The following SLC35E3 variants were observed in gnomAD, a reference collection of about 807,000 sequenced individuals.
The protein encoded by SLC35E3 is bladder cancer-overexpressed gene 1 protein.
A neutral mutation model predicts 30.8 loss-of-function variants in SLC35E3; 28 were observed. The ratio of observed to expected loss-of-function variants is 0.91; its 90% CI spans 0.67 to 1.25. The LOEUF (loss-of-function observed/expected upper bound fraction) is 1.25, where lower values mean the gene tolerates loss of function less well. SLC35E3 is among the 50% of genes most tolerant of loss of function. The pLI, the probability that SLC35E3 is intolerant of heterozygous loss-of-function variation, is 0.00. For missense variants in SLC35E3, 365 were observed against 375.4 expected, an observed-to-expected ratio of 0.97 and a Z score of 0.23; for synonymous variants, 146 against 149.2, an observed-to-expected ratio of 0.98 and a Z score of 0.16.
chr12:68,746,467 C>T lies in SLC35E3; in HGVS notation c.90C>T (p.Phe30=), dbSNP rs567135901. 6.2e-7 allele frequency: 1 copy of T among 1,614,194 alleles called. No individual in the cohort carries two copies. Among genetic ancestry groups the T allele is most frequent in the Admixed American group, 1.7e-5 (1 of 60,018 alleles). Residue 30 remains phenylalanine, a synonymous_variant, in exon 1 of 5, where the codon TTC becomes TTT. Transcript: ENST00000398004. ...TGCTGGTGTCCATCTGCATTGTGTT[C>T]CTCAACAAATGGATTTATGTGTACC... The part of the protein sequence containing the change: ...FNLLVSICIV[F]LNKWIYVYHG...
chr12:68,751,931 C>G (rs1878810635), intron 2 of SLC35E3, 101 bp from the exon 3 acceptor site: 1 of 1,162,458 alleles, frequency 8.6e-7, no homozygotes, highest in South Asian at 1.6e-5. Flanking sequence ...TTCCCCTAGT[C>G]TATACCCCAC....
At chr12:68,753,028 C>T (rs1353418604) in intron 3 of SLC35E3, among the ~76,000 whole-genome samples, 1 of 151,552 alleles carries the variant, frequency 6.6e-6, no homozygotes, top group Non-Finnish European at 1.5e-5. Context: ...CACCTATAAT[C>T]CCAGCTACTC....
intron 3 of SLC35E3, among the ~76,000 whole-genome samples, chr12:68,757,446 T>C (rs889757943): frequency 6.6e-6 from 1 of 152,212 alleles, no homozygotes; most frequent in Non-Finnish European, 1.5e-5. Context: ...CTATAACTTT[T>C]TGGATAAAAT....
intron 4 of SLC35E3, among the ~76,000 whole-genome samples, chr12:68,764,017 T>C (rs1253182847): frequency 2.6e-5 from 4 of 152,188 alleles, no homozygotes; most frequent in African/African-American, 9.7e-5. Context: ...TAGTTGGTGC[T>C]CAGTATTACT....
Position 68,768,182 on chromosome 12 carries a change from G to A in SLC35E3, c.*3292G>A, listed in dbSNP as rs1459048076. 3.3e-5 allele frequency: 5 copies of A among 152,130 alleles called. No individual in the cohort carries two copies. The highest frequency in any genetic ancestry group is 1.3e-4 in the Admixed American group (2 of 15,250). 9.4% of individuals were successfully genotyped at this position (152,130 alleles called of 1,614,324 possible). On this transcript the variant is annotated 3_prime_UTR_variant, in exon 5 of 5. Transcript: ENST00000398004. ...CGGGCGCCTGTAATTCCAGCTACTCGGGAGGCTGAGACAGGAGAATCACTT... is the reference window on the plus strand; with the variant it reads ...CGGGCGCCTGTAATTCCAGCTACTCAGGAGGCTGAGACAGGAGAATCACTT...
chr12:68,754,166 G>C (rs1370803650), intron 3 of SLC35E3, among the ~76,000 whole-genome samples: 4 of 151,892 alleles, frequency 2.6e-5, no homozygotes, highest in African/African-American at 4.8e-5. Flanking sequence ...TTTGACAAAA[G>C]TGGAATCCTA....
chr12:68,757,394 A>G (rs1879061113), intron 3 of SLC35E3, among the ~76,000 whole-genome samples: 1 of 152,222 alleles, frequency 6.6e-6, no homozygotes, highest in South Asian at 2.1e-4. Context: ...AATAGTTTAT[A>G]TCATGAATAT....
intron 3 of SLC35E3, 28 bp downstream of exon 3, chr12:68,752,218 G>C: frequency 6.4e-7 from 1 of 1,569,312 alleles, no homozygotes. Flanking sequence ...TGATATCTAA[G>C]AAACAGTATA....
At chr12:68,751,281 T>TC in intron 2 of SLC35E3, among the ~76,000 whole-genome samples, 1 of 147,292 alleles carries the variant, frequency 6.8e-6, no homozygotes, top group Non-Finnish European at 1.5e-5. Flanking sequence ...TGTCATCGTG[T>TC]CCCCCCAACC....
At chr12:68,753,512 C>G (rs963058101) in intron 3 of SLC35E3, among the ~76,000 whole-genome samples, 1 of 151,948 alleles carries the variant, frequency 6.6e-6, no homozygotes, top group Admixed American at 6.6e-5. Context: ...CTCTGGAACC[C>G]TATCACACTA....
chr12:68,752,476 C>T (rs1878840910), intron 3 of SLC35E3, among the ~76,000 whole-genome samples: 2 of 152,120 alleles, frequency 1.3e-5, no homozygotes, highest in South Asian at 2.1e-4. Flanking sequence ...CAAGCTAGAG[C>T]CCACAAATAA....
At chr12:68,757,766 T>G (rs1291712316) in intron 3 of SLC35E3, among the ~76,000 whole-genome samples, 1 of 152,174 alleles carries the variant, frequency 6.6e-6, no homozygotes, top group Non-Finnish European at 1.5e-5. Flanking sequence ...TTTGTAGATA[T>G]CCAATGAATG....
intron 3 of SLC35E3, among the ~76,000 whole-genome samples, chr12:68,758,419 C>G (rs573864390): frequency 5.7e-4 from 81 of 142,016 alleles, no homozygotes; most frequent in African/African-American, 2.0e-3. Flanking sequence ...AACTCCGTCT[C>G]AAAAAAAAAA....
At position 68,772,272 on chromosome 12, in the gene SLC35E3, A is replaced by AG. The variant is rs1460857800; in HGVS notation, c.*7384dup. On this transcript the variant is annotated 3_prime_UTR_variant, in exon 5 of 5. Transcript: ENST00000398004. The stretch of plus-strand genomic sequence containing the variant: ...AGGCTGGTCTTGAACTCCTGACCTC[A>AG]GGTACTCCGCCCACCTCAGCCTCCC... 1.3e-5 allele frequency: 2 copies of AG among 152,098 alleles called. No homozygotes were observed. The highest frequency in any genetic ancestry group is 4.8e-5 in the African/African-American group (2 of 41,424). The allele number at this position is 152,098 out of a possible 1,614,324, so 9.4% of individuals were successfully genotyped here.
intron 1 of SLC35E3, 141 bp downstream of exon 1, chr12:68,746,920 C>G: frequency 2.1e-6 from 2 of 959,534 alleles, no homozygotes; most frequent in Non-Finnish European, 3.0e-6. Context: ...AACTTTTAGG[C>G]TTATTTTAGG....
Position 68,752,172 on chromosome 12 carries a change from C to G in SLC35E3, c.654C>G (p.Pro218=), listed in dbSNP as rs775151847. The G allele has an allele frequency of 1.2e-6, 2 of 1,611,526 alleles. No homozygotes were observed. Among genetic ancestry groups the G allele is most frequent in the Admixed American group, 1.7e-5 (1 of 59,144 alleles). ...TTGGAGAAGGAGGAATATTTGGTCC[C>G]TGGTCAGTTTCTGCTTTGGTAAGTT... is the stretch of plus-strand genomic sequence containing the variant. ...PVFGEGGIFG[P]WSVSALLMVL... Residue 218 remains proline (P), a synonymous_variant, in exon 3 of 5, where the codon CCC becomes CCG. Transcript: ENST00000398004.
At chr12:68,757,462 G>A (rs1465831528) in intron 3 of SLC35E3, among the ~76,000 whole-genome samples, 11 of 152,248 alleles carry the variant, frequency 7.2e-5, no homozygotes, top group African/African-American at 2.6e-4. Context: ...AAAATTATGG[G>A]ATAGATTTGA....
chr12:68,764,947 T>C lies in SLC35E3; in HGVS notation c.*57T>C. 8.4e-6 allele frequency: 13 copies of C among 1,545,746 alleles called. No homozygotes were observed. Among genetic ancestry groups the C allele is most frequent in the South Asian group, 1.2e-5 (1 of 82,718 alleles). ...CAAGAAGATAAAAAATATTGTTAAG[T>C]GTGCAAGTTATTAAAAAAAAAAAAT... is the stretch of plus-strand genomic sequence containing the variant. On this transcript the variant is annotated 3_prime_UTR_variant, in exon 5 of 5. Coordinates refer to ENST00000398004, the MANE Select transcript of SLC35E3 (RefSeq NM_018656.5).
Position 68,748,148 on chromosome 12 carries a change from A to G in SLC35E3, c.513+108A>G, listed in dbSNP as rs1878666032. On this transcript the variant is annotated intron_variant, in intron 2 of 4. Coordinates refer to ENST00000398004, the MANE Select transcript of SLC35E3 (RefSeq NM_018656.5). ...GTATAGAGACAATAGACTGTTGGGA[A>G]GAAAGCATAATTGCATAAGTTGTCT... 3 of 664,006 alleles carry G rather than the reference A, an allele frequency of 4.5e-6. No individual in the cohort carries two copies. The African/African-American group carries it at 5.4e-5, about 12-fold the overall frequency. 41.1% of individuals were successfully genotyped at this position (664,006 alleles called of 1,614,324 possible).
Sources: gnomAD v4.1 joint callset for allele counts (sites outside exome capture counted in the v4.1 genomes callset) on GRCh38, gnomAD v4.1.1 for gene constraint, MANE v1.5 for transcripts, NCBI Gene and HGNC (gene_info 2026-07-23, HGNC 2026-07-21) for gene names.